The following PCDH15 variants were observed in gnomAD, a reference collection of about 807,000 sequenced individuals.
The protein encoded by PCDH15 is protocadherin-15.
A neutral mutation model predicts 178.5 loss-of-function variants in PCDH15; 129 were observed. The ratio of observed to expected loss-of-function variants is 0.72; its 90% CI spans 0.63 to 0.84. The LOEUF is 0.84. Among genes scored for constraint, PCDH15 ranks in the 40% least tolerant of loss-of-function variants. The probability of loss-of-function intolerance (pLI) is 0.00; values close to 1 mark genes in which losing one functional copy is unlikely to be tolerated. For missense variants in PCDH15, 2,230 were observed against 2,099.9 expected (o/e 1.06, Z -1.21); for synonymous variants, 800 against 732.0 (o/e 1.09, Z -1.50).
intron 1 of PCDH15, among the ~76,000 whole-genome samples, chr10:54,740,912 C>A (rs1944713736): frequency 6.6e-6 from 1 of 151,622 alleles, no homozygotes; most frequent in African/African-American, 2.4e-5. Flanking sequence ...TTAATGGATA[C>A]AAAAATATAT....
intron 2 of PCDH15, among the ~76,000 whole-genome samples, chr10:55,041,658 T>C (rs1025369451): frequency 6.6e-6 from 1 of 152,114 alleles, no homozygotes; most frequent in Admixed American, 6.6e-5. Flanking sequence ...GTTCATTTGA[T>C]CCTGGTGTCT....
At chr10:55,364,931 T>G (rs1229249787) in intron 2 of PCDH15, among the ~76,000 whole-genome samples, 1 of 152,140 alleles carries the variant, frequency 6.6e-6, no homozygotes, top group East Asian at 1.9e-4. Context: ...TTATAAATTT[T>G]TTGTCAATTA....
At chr10:54,699,759 T>C (rs12767508) in intron 1 of PCDH15, among the ~76,000 whole-genome samples, 715 of 152,196 alleles carry the variant, frequency 4.7e-3, no homozygotes, top group Non-Finnish European at 7.6e-3. Flanking sequence ...TTTAATAACA[T>C]ATTTAGAATG....
intron 1 of PCDH15, among the ~76,000 whole-genome samples, chr10:55,204,612 G>GA (rs1477124884): frequency 6.6e-6 from 1 of 152,024 alleles, no homozygotes; most frequent in Non-Finnish European, 1.5e-5. Context: ...AATGGCTCCA[G>GA]AAAATCTAAA....
At chr10:54,607,763 T>C (rs940756961) in intron 2 of PCDH15, 4 of 403,720 alleles carry the variant, frequency 9.9e-6, no homozygotes, top group African/African-American at 2.2e-5. Flanking sequence ...ATGGTAACTT[T>C]AAGGCTTTTA....
chr10:55,130,933 G>C (rs1838025473), intron 2 of PCDH15, among the ~76,000 whole-genome samples: 1 of 151,818 alleles, frequency 6.6e-6, no homozygotes, highest in Non-Finnish European at 1.5e-5. Context: ...ATATGGATCA[G>C]TGTGAATGAA....
At chr10:55,411,941 T>C (rs1408061879) in intron 2 of PCDH15, among the ~76,000 whole-genome samples, 1 of 152,004 alleles carries the variant, frequency 6.6e-6, no homozygotes, top group East Asian at 1.9e-4. Context: ...ATATTATATA[T>C]AGATAGGTAG....
At chr10:54,635,028 A>T (rs559103170) in intron 2 of PCDH15, among the ~76,000 whole-genome samples, 249 of 151,908 alleles carry the variant, frequency 1.6e-3, no homozygotes, top group African/African-American at 5.2e-3. Flanking sequence ...CTCATCATTG[A>T]TGTCTTACAG....
At chr10:55,286,262 G>GT (rs1842867346) in intron 1 of PCDH15, among the ~76,000 whole-genome samples, 1 of 151,360 alleles carries the variant, frequency 6.6e-6, no homozygotes, top group Non-Finnish European at 1.5e-5. Flanking sequence ...AACAATTACA[G>GT]TTTTCTAAAC....
chr10:53,807,186 G>T, intron 37 of PCDH15, 56 bp from the exon 38 acceptor site: 1 of 1,372,762 alleles, frequency 7.3e-7, no homozygotes, highest in Non-Finnish European at 9.8e-7. Flanking sequence ...AAAAGGCAAT[G>T]ATTACATTGC....
chr10:54,103,155 T>C (rs1017558623), intron 15 of PCDH15, among the ~76,000 whole-genome samples: 2 of 152,226 alleles, frequency 1.3e-5, no homozygotes, highest in African/African-American at 4.8e-5. Flanking sequence ...TGAGGGGTCA[T>C]GATTCTCTGT....
At chr10:55,619,431 C>G (rs534188938) in intron 2 of PCDH15, among the ~76,000 whole-genome samples, 2 of 152,018 alleles carry the variant, frequency 1.3e-5, no homozygotes, top group South Asian at 4.1e-4. Flanking sequence ...AAAATATGCT[C>G]AAGAGCTATT....
At chr10:55,090,033 A>G (rs1842275484) in intron 2 of PCDH15, among the ~76,000 whole-genome samples, 1 of 152,114 alleles carries the variant, frequency 6.6e-6, no homozygotes, top group Admixed American at 6.6e-5. Context: ...GTTGCATTTA[A>G]TGAGTAGTTA....
chr10:55,285,128 CCA>C (rs1842835725), intron 1 of PCDH15, among the ~76,000 whole-genome samples: 1 of 144,330 alleles, frequency 6.9e-6, no homozygotes, highest in East Asian at 2.2e-4. Flanking sequence ...TACAAGTTTA[CCA>C]TATAAACTTG....
chr10:54,763,585 T>G (rs542895119), intron 1 of PCDH15, among the ~76,000 whole-genome samples: 14 of 152,160 alleles, frequency 9.2e-5, no homozygotes, highest in African/African-American at 3.4e-4. Flanking sequence ...TCATTGTATA[T>G]GTCAATATAG....
At chr10:55,263,411 C>T (rs1444484883) in intron 1 of PCDH15, among the ~76,000 whole-genome samples, 1 of 152,186 alleles carries the variant, frequency 6.6e-6, no homozygotes, top group African/African-American at 2.4e-5. Context: ...CCACCTATGC[C>T]TCCACCCCAA....
intron 26 of PCDH15, among the ~76,000 whole-genome samples, chr10:53,888,350 GTATATATACATATA>G (rs2081292359): frequency 1.7e-5 from 1 of 60,036 alleles, no homozygotes; most frequent in African/African-American, 5.7e-5. Flanking sequence ...ATATATATAC[GTATATATACATATA>G]TATATATATT....
chr10:54,708,658 T>G (rs1452617471), intron 1 of PCDH15, among the ~76,000 whole-genome samples: 1 of 152,118 alleles, frequency 6.6e-6, no homozygotes, highest in Non-Finnish European at 1.5e-5. Flanking sequence ...TCTCAGCTTT[T>G]ATTTTACTTA....
At chr10:54,111,911 G>C (rs901871389) in intron 15 of PCDH15, among the ~76,000 whole-genome samples, 1 of 149,826 alleles carries the variant, frequency 6.7e-6, no homozygotes, top group Non-Finnish European at 1.5e-5. Context: ...TAGATCACTT[G>C]AGGTCAGGAG....
Sources: gnomAD v4.1 joint callset for allele counts (sites outside exome capture counted in the v4.1 genomes callset) on GRCh38, gnomAD v4.1.1 for gene constraint, MANE v1.5 for transcripts, NCBI Gene and HGNC (gene_info 2026-07-23, HGNC 2026-07-21) for gene names.